Variants in LNX1 observed in about 807,000 individuals in gnomAD.
LNX1 encodes E3 ubiquitin-protein ligase LNX.
LNX1 carries 54 observed loss-of-function variants against 68.4 expected under a neutral mutation model. The observed-to-expected ratio is 0.79, with a 90% CI of 0.63 to 0.99. LNX1 has a LOEUF of 0.99. LNX1 is among the 50% of genes least tolerant of loss of function. The pLI is 0.00. For synonymous variants in LNX1, 336 were observed against 350.0 expected, an observed-to-expected ratio of 0.96 and a Z score of 0.45; for missense variants, 906 against 926.4, an observed-to-expected ratio of 0.98 and a Z score of 0.29.
intron 2 of LNX1, among the ~76,000 whole-genome samples, chr4:53,535,267 T>C (rs1466099054): frequency 6.6e-6 from 1 of 152,236 alleles, no homozygotes; most frequent in Non-Finnish European, 1.5e-5. Flanking sequence ...CCAGGCTTTG[T>C]TGTTTTGGAT....
chr4:53,536,236 T>G (rs1728363981), intron 2 of LNX1, among the ~76,000 whole-genome samples: 1 of 152,324 alleles, frequency 6.6e-6, no homozygotes, highest in South Asian at 2.1e-4. Flanking sequence ...CAGGTCAGTC[T>G]CTTAGTGGAA....
At chr4:53,637,230 C>A (rs771095621) in intron 1 of LNX1, among the ~76,000 whole-genome samples, 1 of 151,964 alleles carries the variant, frequency 6.6e-6, no homozygotes, top group Non-Finnish European at 1.5e-5. Context: ...ACTGCCTTGG[C>A]CCCTAAGAAA....
chr4:53,477,410 T>C (rs1329581603), intron 8 of LNX1, among the ~76,000 whole-genome samples: 1 of 152,150 alleles, frequency 6.6e-6, no homozygotes, highest in East Asian at 1.9e-4. Flanking sequence ...ATGGATTGAA[T>C]GAAAAGAAAC....
intron 2 of LNX1, among the ~76,000 whole-genome samples, chr4:53,528,666 A>G (rs1427342840): frequency 1.1e-5 from 1 of 88,696 alleles, no homozygotes; most frequent in Non-Finnish European, 2.9e-5. Context: ...CTTAGAACAC[A>G]TTCCCTGTGG....
chr4:53,521,888 C>A (rs1316572457), intron 2 of LNX1, among the ~76,000 whole-genome samples: 2 of 152,188 alleles, frequency 1.3e-5, no homozygotes, highest in African/African-American at 4.8e-5. Flanking sequence ...CAGCCTCAAA[C>A]TCCTGGGCTC....
intron 1 of LNX1, among the ~76,000 whole-genome samples, chr4:53,651,488 T>C (rs1330968842): frequency 6.6e-6 from 1 of 152,250 alleles, no homozygotes. Context: ...TGGCTATCTA[T>C]TTCTGGATTT....
chr4:53,591,819 A>G (rs1186171781), upstream of LNX1: 1 of 152,720 alleles, frequency 6.5e-6, no homozygotes, highest in Non-Finnish European at 1.5e-5. Context: ...CTTTCCCCAT[A>G]TCTGCCCACA....
intron 2 of LNX1, among the ~76,000 whole-genome samples, chr4:53,544,684 G>A (rs1482078014): frequency 1.3e-5 from 2 of 152,194 alleles, no homozygotes; most frequent in African/African-American, 2.4e-5. Context: ...TGCAGGGGGC[G>A]AAGAAAGGAA....
intron 4 of LNX1, among the ~76,000 whole-genome samples, chr4:53,505,674 T>C (rs1218708275): frequency 6.6e-6 from 1 of 152,232 alleles, no homozygotes; most frequent in Admixed American, 6.5e-5. Context: ...TGGACACTTA[T>C]GTGCCAGACA....
intron 1 of LNX1, among the ~76,000 whole-genome samples, chr4:53,630,387 GAC>G (rs1168267584): frequency 6.6e-6 from 1 of 152,104 alleles, no homozygotes; most frequent in Non-Finnish European, 1.5e-5. Context: ...GGAGTGAAAG[GAC>G]ACACACATTA....
intron 2 of LNX1, among the ~76,000 whole-genome samples, chr4:53,548,333 G>C (rs577802718): frequency 3.2e-4 from 49 of 152,274 alleles, no homozygotes; most frequent in Non-Finnish European, 6.6e-4. Context: ...GATTGTCATA[G>C]AACTCTTAGG....
rs148000168 is a variant in LNX1 at position 53,576,072 on chromosome 4, A to G, written c.-86-1984T>C. 34 of 1,557,616 alleles carry G rather than the reference A, an allele frequency of 2.2e-5. No individual in the cohort carries two copies. In the African/African-American group the frequency reaches 4.5e-4, roughly 20 times the overall value. On this transcript the variant is annotated intron_variant, in intron 1 of 10. Transcript: ENST00000263925. ...AGCTCCAGGAACTCTGCATCCCCCA[A>G]GACCTGGTCGGGGACTTGGCCAGCG...
At chr4:53,479,286 C>T (rs765289405) in intron 7 of LNX1, among the ~76,000 whole-genome samples, 1 of 152,186 alleles carries the variant, frequency 6.6e-6, no homozygotes, top group African/African-American at 2.4e-5. Flanking sequence ...TTCAAAAACA[C>T]TCTGTCATTT....
chr4:53,464,369 T>A (rs1722483916), intron 9 of LNX1, among the ~76,000 whole-genome samples: 1 of 150,774 alleles, frequency 6.6e-6, no homozygotes, highest in Non-Finnish European at 1.5e-5. Context: ...TTTCCTAGTT[T>A]ATTGTAGACT....
At chr4:53,648,472 A>C (rs1287926498) in intron 1 of LNX1, among the ~76,000 whole-genome samples, 1 of 152,060 alleles carries the variant, frequency 6.6e-6, no homozygotes, top group Non-Finnish European at 1.5e-5. Context: ...TTGTTGTTGA[A>C]CTGTAGGGGT....
intron 1 of LNX1, among the ~76,000 whole-genome samples, chr4:53,647,994 T>A (rs1443199119): frequency 6.6e-6 from 1 of 152,274 alleles, no homozygotes; most frequent in African/African-American, 2.4e-5. Flanking sequence ...TACTACATTT[T>A]GTTATCCATT....
intron 1 of LNX1, chr4:53,579,257 G>A: frequency 2.0e-6 from 2 of 984,776 alleles, no homozygotes; most frequent in Non-Finnish European, 2.4e-6. Flanking sequence ...TTACGTACGT[G>A]TATGATGGGT....
intron 9 of LNX1, among the ~76,000 whole-genome samples, chr4:53,472,694 A>AC (rs1307663012): frequency 7.2e-6 from 1 of 139,118 alleles, no homozygotes; most frequent in East Asian, 2.1e-4. Flanking sequence ...ACAAAAAAAA[A>AC]AAAAACAAAA....
chr4:53,566,002 G>A (rs1206496445), intron 2 of LNX1, among the ~76,000 whole-genome samples: 3 of 151,606 alleles, frequency 2.0e-5, no homozygotes, highest in African/African-American at 7.3e-5. Flanking sequence ...ACTATGTGAA[G>A]AGACCAAATC....
Sources: gnomAD v4.1 joint callset for allele counts (sites outside exome capture counted in the v4.1 genomes callset) on GRCh38, gnomAD v4.1.1 for gene constraint, MANE v1.5 for transcripts, NCBI Gene and HGNC (gene_info 2026-07-23, HGNC 2026-07-21) for gene names.